The following DPH1 variants were observed in gnomAD, a reference collection of about 807,000 sequenced individuals.
DPH1 encodes the protein diphthamide biosynthesis 1, also known as 2-(3-amino-3-carboxypropyl)histidine synthase subunit 1.
A neutral mutation model predicts 55.3 loss-of-function variants in DPH1; 59 were observed. The ratio of observed to expected loss-of-function variants is 1.07; its 90% confidence interval spans 0.87 to 1.33. The LOEUF (loss-of-function observed/expected upper bound fraction) is 1.33, where lower values mean the gene tolerates loss of function less well. Among genes scored for constraint, DPH1 ranks in the 40% most tolerant of loss-of-function variants. The pLI, the probability that DPH1 is intolerant of heterozygous loss-of-function variation, is 0.00. For synonymous variants in DPH1, 238 were observed against 235.5 expected (o/e 1.01, Z -0.10); for missense variants, 628 against 584.8 (o/e 1.07, Z -0.76).
At chr17:2,038,573 C>G (rs987684132) in intron 6 of DPH1, among the ~76,000 whole-genome samples, 3 of 152,180 alleles carry the variant, frequency 2.0e-5, no homozygotes, top group Admixed American at 1.3e-4. Flanking sequence ...CTTGTAGGAG[C>G]TCAAACCCTA....
chr17:2,031,662 G>C (rs1349612335), intron 1 of DPH1, among the ~76,000 whole-genome samples: 1 of 151,920 alleles, frequency 6.6e-6, no homozygotes, highest in Non-Finnish European at 1.5e-5. Context: ...TATCGTTTGA[G>C]CCCAGGACGT....
Position 2,041,517 on chromosome 17 carries a change from C to T in DPH1, c.1123C>T (p.Pro375Ser), listed in dbSNP as rs2067523499. Residue 375 changes from proline (P) to serine (S), a missense_variant, in exon 11 of 13, where the codon CCC becomes TCC. By Grantham distance (74) the Pro-to-Ser change is moderately conservative. Transcript: ENST00000263083. ...TCTGAGGGACATTTCCTGGCAGCAG[C>T]CCTACCCGATGGACTTCTACGCTGG... The part of the protein sequence containing the change: ...VALRDISWQQ[P>S]YPMDFYAGSS... 1 of 1,612,818 alleles carries T rather than the reference C, an allele frequency of 6.2e-7. No individual in the cohort carries two copies. The highest frequency in any genetic ancestry group is 8.5e-7 in the Non-Finnish European group (1 of 1,179,648).
intron 3 of DPH1, 136 bp from the exon 4 acceptor site, chr17:2,035,834 T>C: frequency 7.5e-7 from 1 of 1,341,338 alleles, no homozygotes; most frequent in South Asian, 1.4e-5. Context: ...TTGGCAGAAG[T>C]GGCAGCTGCC....
At chr17:2,040,992 C>T in intron 9 of DPH1, 111 bp from the exon 10 acceptor site, 1 of 1,055,188 alleles carries the variant, frequency 9.5e-7, no homozygotes, top group African/African-American at 1.6e-5. Flanking sequence ...CTTTAGGATT[C>T]ATAAAGCCTG....
intron 9 of DPH1, 118 bp from the exon 10 acceptor site, chr17:2,040,985 T>A (rs1250261781): frequency 1.0e-6 from 1 of 992,924 alleles, no homozygotes; most frequent in Non-Finnish European, 1.5e-6. Context: ...GTCTTTACTT[T>A]AGGATTCATA....
chr17:2,042,219 A>G, intron 12 of DPH1: 1 of 1,427,702 alleles, frequency 7.0e-7, no homozygotes, highest in Non-Finnish European at 9.1e-7. Flanking sequence ...CGAGGGCGCC[A>G]GATCAGACTT....
intron 6 of DPH1, among the ~76,000 whole-genome samples, chr17:2,038,552 G>A (rs534262596): frequency 1.3e-3 from 202 of 152,202 alleles, no homozygotes; most frequent in Non-Finnish European, 2.0e-3. Flanking sequence ...GATCCGCCGC[G>A]GCATTAGATT....
At chr17:2,031,565 C>CAAAAAAA (rs56410346) in intron 1 of DPH1, among the ~76,000 whole-genome samples, 1 of 69,660 alleles carries the variant, frequency 1.4e-5, no homozygotes, top group African/African-American at 5.7e-5. Context: ...GACTCTGTCT[C>CAAAAAAA]AAAAAAAAAA....
chr17:2,042,561 C>T (rs2067561111), intron 12 of DPH1, 44 bp from the exon 13 acceptor site: 4 of 1,484,910 alleles, frequency 2.7e-6, no homozygotes, highest in African/African-American at 1.4e-5. Context: ...CTTCCTGGAG[C>T]CTCCCATGCC....
At position 2,042,936 on chromosome 17, in the gene DPH1, C is replaced by T. The variant is rs2067571671; in HGVS notation, c.*350C>T. ...AAAGGCCCTTGTCATTGCCTTCGCT[C>T]CATGTTTTTGGGGACACTGACAAAG... On this transcript the variant is annotated 3_prime_UTR_variant, in exon 13 of 13. Transcript: ENST00000263083. 5.0e-6 allele frequency: 8 copies of T among 1,614,146 alleles called. No homozygotes were observed. The highest frequency in any genetic ancestry group is 1.6e-4 in the Middle Eastern group (1 of 6,062).
upstream of DPH1, chr17:2,030,135 C>T: frequency 6.3e-7 from 1 of 1,587,684 alleles, no homozygotes; most frequent in Non-Finnish European, 8.6e-7. Context: ...GTTCTTCCAG[C>T]GCTGTCTTTT....
intron 1 of DPH1, among the ~76,000 whole-genome samples, chr17:2,031,351 A>C (rs933777775): frequency 3.9e-5 from 6 of 151,928 alleles, no homozygotes; most frequent in Non-Finnish European, 8.8e-5. Flanking sequence ...ACCTGAGGTC[A>C]GGAGTTTGAG....
chr17:2,043,720 C>G lies in DPH1; in HGVS notation c.*1134C>G, dbSNP rs1332384573. On this transcript the variant is annotated 3_prime_UTR_variant, in exon 13 of 13. Coordinates refer to ENST00000263083, the MANE Select transcript of DPH1 (RefSeq NM_001383.6). ...TGAACCACAGTAATTTAGTCTTCCT[C>G]TATCCAGATCACTGAGAGTTGTGTG... is the stretch of plus-strand genomic sequence containing the variant. 1 of 153,070 alleles carries G rather than the reference C, an allele frequency of 6.5e-6. No homozygotes were observed. Among genetic ancestry groups the G allele is most frequent in the Non-Finnish European group, 1.5e-5 (1 of 68,706 alleles). The allele number at this position is 153,070 out of a possible 1,614,324, so 9.5% of individuals were successfully genotyped here. A position where few individuals can be genotyped will look rare whatever the true frequency, so the allele number is the denominator to read the frequency against.
In DPH1 at chr17:2,043,048, G is replaced by A. The variant is rs200430646; in HGVS notation, c.*462G>A. ...CCACTCTGGTGGCCACTTCATTCCA[G>A]CAGCTGCACCCCAGCGTCAGGCCTA... On this transcript the variant is annotated 3_prime_UTR_variant, in exon 13 of 13. Coordinates refer to ENST00000263083, the MANE Select transcript of DPH1 (RefSeq NM_001383.6). 3.6e-5 allele frequency: 58 copies of A among 1,613,868 alleles called. No individual in the cohort carries two copies. Among genetic ancestry groups the A allele is most frequent in the Non-Finnish European group, 4.7e-5 (56 of 1,180,030 alleles).
Position 2,036,158 on chromosome 17 carries a change from T to G in DPH1, c.400+67T>G, listed in dbSNP as rs965895424. On this transcript the variant is annotated intron_variant, in intron 4 of 12. Transcript: ENST00000263083. The surrounding 1 kb of genome is among the most constrained non-coding windows in gnomAD (Gnocchi z 4.8). ...AGGGAGGCAGGCTGCACATTCATCT[T>G]CCCCATGGCAGTGCCTTCTTGTCCT... is the stretch of plus-strand genomic sequence containing the variant. The G allele has an allele frequency of 6.3e-7, 1 of 1,589,892 alleles. No homozygotes were observed. The highest frequency in any genetic ancestry group is 8.6e-7 in the Non-Finnish European group (1 of 1,167,410).
chr17:2,041,223 T>C (rs901359713), intron 10 of DPH1, 42 bp downstream of exon 10: 1 of 1,572,554 alleles, frequency 6.4e-7, no homozygotes, highest in Non-Finnish European at 8.6e-7. Flanking sequence ...TGGACGTGGT[T>C]CTCAAAGGTG....
At chr17:2,035,845 A>T in intron 3 of DPH1, 125 bp from the exon 4 acceptor site, 1 of 1,430,542 alleles carries the variant, frequency 7.0e-7, no homozygotes, top group African/African-American at 1.4e-5. Context: ...GGCAGCTGCC[A>T]TCCCGAGGAA....
chr17:2,035,262 T>C (rs569430505), intron 3 of DPH1, among the ~76,000 whole-genome samples: 25 of 152,160 alleles, frequency 1.6e-4, no homozygotes, highest in African/African-American at 6.0e-4. Flanking sequence ...CCCCAGTGAT[T>C]CAGGCCTGGC....
Position 2,041,620 on chromosome 17 carries a change from A to AG in DPH1, c.1227+1dup. The AG allele has an allele frequency of 1.9e-6, 3 of 1,602,654 alleles. No individual in the cohort carries two copies. The highest frequency in any genetic ancestry group is 2.6e-6 in the Non-Finnish European group (3 of 1,175,358). On this transcript the variant is annotated frameshift_variant and splice_region_variant, in exon 11 of 13. Transcript: ENST00000263083. LOFTEE classifies it high-confidence loss of function. ...GCCCCGGGCCGGCCCGCGCGGGGGA[A>AG]GGTAGGCGGGGGCTTCCAGGAGGGA... is the stretch of plus-strand genomic sequence containing the variant.
Sources: gnomAD v4.1 joint callset for allele counts (sites outside exome capture counted in the v4.1 genomes callset) on GRCh38, gnomAD v4.1.1 for gene constraint, Gnocchi (gnomAD v3.1) non-coding constraint, MANE v1.5 for transcripts, NCBI Gene and HGNC (gene_info 2026-07-23, HGNC 2026-07-21) for gene names.